Variants in USH2A observed in about 807,000 individuals in gnomAD.
USH2A encodes the protein Usher syndrome 2A (autosomal recessive, mild).
USH2A carries 443 observed loss-of-function variants against 538.9 expected under a neutral mutation model. The ratio of observed to expected loss-of-function variants is 0.82; its 90% CI spans 0.76 to 0.89. USH2A has a LOEUF of 0.89. USH2A is among the 40% of genes least tolerant of loss of function. The pLI, the probability that USH2A is intolerant of heterozygous loss-of-function variation, is 0.00. For missense variants in USH2A, 6,633 were observed against 6,324.8 expected (o/e 1.05, Z -1.65); for synonymous variants, 2,413 against 2,273.5 (o/e 1.06, Z -1.75).
At position 215,634,723 on chromosome 1, in the gene USH2A, A is replaced by G; in HGVS notation, c.15053-20T>C. The G allele has an allele frequency of 6.2e-7, 1 of 1,614,218 alleles. No individual in the cohort carries two copies. The highest frequency in any genetic ancestry group is 8.5e-7 in the Non-Finnish European group (1 of 1,180,026). ...CCAAGCCTGCAAAACCCAGAGAAAG[A>G]AAGGGGAAATGTTATTTCAGAAAGC... On this transcript the variant is annotated intron_variant, in intron 69 of 71. Transcript: ENST00000307340.
intron 61 of USH2A, among the ~76,000 whole-genome samples, chr1:215,699,056 C>T (rs949433637): frequency 2.0e-5 from 3 of 152,168 alleles, no homozygotes; most frequent in African/African-American, 7.2e-5. Context: ...GTTTTCCCAA[C>T]ACTGTTTATT....
chr1:216,113,158 A>G (rs996359691), intron 21 of USH2A, among the ~76,000 whole-genome samples: 3 of 133,052 alleles, frequency 2.3e-5, no homozygotes, highest in Non-Finnish European at 4.8e-5. Context: ...AAAAAAAAAC[A>G]AAACAAGAAA....
At chr1:216,116,886 CA>C (rs1392546361) in intron 21 of USH2A, among the ~76,000 whole-genome samples, 1 of 152,022 alleles carries the variant, frequency 6.6e-6, no homozygotes, top group African/African-American at 2.4e-5. Context: ...TCCTGAAGAT[CA>C]ATACTTGATC....
At chr1:216,054,712 G>A (rs1464248535) in intron 30 of USH2A, among the ~76,000 whole-genome samples, 1 of 148,324 alleles carries the variant, frequency 6.7e-6, no homozygotes, top group Admixed American at 6.8e-5. Context: ...GGCATCCACT[G>A]TAATCTGTTC....
At chr1:216,248,398 C>T (rs1487288664) in intron 12 of USH2A, among the ~76,000 whole-genome samples, 1 of 151,930 alleles carries the variant, frequency 6.6e-6, no homozygotes, top group Admixed American at 6.6e-5. Context: ...TTAAATAACT[C>T]ACTGCATGGG....
At chr1:216,018,505 C>T (rs1382334868) in intron 32 of USH2A, among the ~76,000 whole-genome samples, 3 of 152,152 alleles carry the variant, frequency 2.0e-5, no homozygotes, top group Admixed American at 2.0e-4. Context: ...ATAAACACTT[C>T]GGCCTCATTC....
chr1:216,288,571 G>A (rs700026), intron 11 of USH2A, among the ~76,000 whole-genome samples: 150,812 of 152,282 alleles, frequency 0.99, 74,693 homozygotes, highest in Middle Eastern at 1. Context: ...TCATAACAGA[G>A]TATATAACTG....
chr1:215,828,819 T>G (rs1341595202), intron 47 of USH2A, among the ~76,000 whole-genome samples: 2 of 152,194 alleles, frequency 1.3e-5, no homozygotes, highest in African/African-American at 4.8e-5. Flanking sequence ...AAAACATCTT[T>G]CTTGTTTGTG....
chr1:215,942,396 G>C (rs1390873619), intron 37 of USH2A, among the ~76,000 whole-genome samples: 1 of 152,124 alleles, frequency 6.6e-6, no homozygotes, highest in Non-Finnish European at 1.5e-5. Flanking sequence ...AGACACCCAA[G>C]GGAAGGAGAG....
intron 4 of USH2A, among the ~76,000 whole-genome samples, chr1:216,330,403 G>A (rs1362058408): frequency 1.3e-5 from 2 of 152,002 alleles, no homozygotes; most frequent in Non-Finnish European, 2.9e-5. Context: ...GTCCAAGAGA[G>A]GCCTCATTGA....
intron 4 of USH2A, among the ~76,000 whole-genome samples, chr1:216,348,769 C>T (rs1420019634): frequency 2.0e-5 from 3 of 151,924 alleles, no homozygotes; most frequent in African/African-American, 7.2e-5. Context: ...TTATTAGATT[C>T]TAGTCTCATT....
chr1:215,830,276 G>C (rs1012986501), intron 47 of USH2A, among the ~76,000 whole-genome samples: 5 of 152,012 alleles, frequency 3.3e-5, no homozygotes, highest in African/African-American at 7.2e-5. Context: ...TTTTTGTTTT[G>C]TTTTGTCTTC....
rs577016702 is a variant in USH2A, at chr1:215,919,857, G to T, written c.7300+14759C>A. ...AAATACATTTAAAGATTTCAGAGTA[G>T]CCTGCATCCAGTCACTAGTTCTACA... On this transcript the variant is annotated intron_variant, in intron 38 of 71. Transcript: ENST00000307340. Among the ~76,000 whole-genome samples, 19 of 152,072 alleles carry T rather than the reference G, an allele frequency of 1.2e-4. No homozygotes were observed. The South Asian group carries it at 3.9e-3, about 32-fold the overall frequency.
intron 47 of USH2A, among the ~76,000 whole-genome samples, chr1:215,828,857 G>A (rs1190077796): frequency 6.6e-6 from 1 of 152,098 alleles, no homozygotes; most frequent in Non-Finnish European, 1.5e-5. Flanking sequence ...CCATTTATGG[G>A]GAATAAATAA....
intron 64 of USH2A, among the ~76,000 whole-genome samples, chr1:215,669,127 C>T (rs1657727174): frequency 6.6e-6 from 1 of 152,176 alleles, no homozygotes; most frequent in Non-Finnish European, 1.5e-5. Context: ...TGACACAACA[C>T]AATACCAGAG....
intron 3 of USH2A, among the ~76,000 whole-genome samples, chr1:216,368,081 T>C (rs2038634305): frequency 6.6e-6 from 1 of 152,170 alleles, no homozygotes; most frequent in South Asian, 2.1e-4. Context: ...GGAAAGAAGA[T>C]ACAGAGAAGG....
intron 41 of USH2A, among the ~76,000 whole-genome samples, chr1:215,880,087 A>G (rs970248312): frequency 1.3e-5 from 2 of 152,154 alleles, no homozygotes; most frequent in Non-Finnish European, 2.9e-5. Flanking sequence ...GTTTTGTTAG[A>G]TTATATTTTT....
rs1662769808 is a variant in USH2A, at chr1:215,813,747, C to G, written c.9728G>C (p.Arg3243Thr). ...NHQCCSGYYA[R>T]ILPGEVCCPD... ...GAAATAACCCTCACCTGGTAGAATT[C>G]TAGCGTAATACCCAGAGCAGCACTG... The change falls in exon 49 of 72, where the codon AGA (arginine) becomes ACA (threonine). Residue 3243 changes from arginine (R) to threonine (T), a missense_variant. Physicochemically the swap from Arg to Thr is moderately conservative, Grantham distance 71. Transcript: ENST00000307340. 1 of 1,613,726 alleles carries G rather than the reference C, an allele frequency of 6.2e-7. No homozygotes were observed. Among genetic ancestry groups the G allele is most frequent in the Non-Finnish European group, 8.5e-7 (1 of 1,179,844 alleles).
At chr1:216,229,866 G>A (rs2035642009) in intron 14 of USH2A, among the ~76,000 whole-genome samples, 1 of 152,058 alleles carries the variant, frequency 6.6e-6, no homozygotes, top group Non-Finnish European at 1.5e-5. Context: ...AATGGGAGAG[G>A]AACAGAATGG....
Sources: allele counts gnomAD v4.1 joint callset (sites outside exome capture counted in the v4.1 genomes callset), GRCh38; gene constraint gnomAD v4.1.1; transcripts MANE v1.5; gene names NCBI Gene and HGNC (gene_info 2026-07-23, HGNC 2026-07-21).